Variants in CAMSAP2 observed in about 807,000 individuals in gnomAD.
CAMSAP2 encodes the protein calmodulin regulated spectrin associated protein family member 2.
A neutral mutation model predicts 146.1 loss-of-function variants in CAMSAP2; 26 were observed. That is an observed-to-expected ratio of 0.18 (90% CI 0.13 to 0.25). CAMSAP2 has a LOEUF of 0.25. CAMSAP2 is among the 10% of genes least tolerant of loss of function. The pLI is 1.00. For missense variants in CAMSAP2, 1,381 were observed against 1,759.3 expected, an observed-to-expected ratio of 0.78 and a Z score of 3.85; for synonymous variants, 499 against 596.6, an observed-to-expected ratio of 0.84 and a Z score of 2.38.
chr1:200,747,026 A>C (rs925867288), intron 1 of CAMSAP2, among the ~76,000 whole-genome samples: 9 of 152,076 alleles, frequency 5.9e-5, no homozygotes, highest in African/African-American at 2.2e-4. Context: ...CTCCTGCCTC[A>C]GCCTTTTGAG....
rs1039236564 is a variant in CAMSAP2, at chr1:200,853,090, CTTTA to C, written c.3603-180_3603-177del. On this transcript the variant is annotated intron_variant, in intron 12 of 16. Transcript: ENST00000358823. The surrounding 1 kb of genome is among the most constrained non-coding windows in gnomAD (Gnocchi z 5.1). The stretch of plus-strand genomic sequence containing the variant: ...TATTTATTTGACTCTTCCTTCCCTC[CTTTA>C]TTTACTTATTTATGCTTAATCCCAT... 2.6e-5 allele frequency among the ~76,000 whole-genome samples: 4 copies of C among 151,904 alleles called. No homozygotes were observed. The highest frequency in any genetic ancestry group is 5.9e-5 in the Non-Finnish European group (4 of 67,982).
chr1:200,825,943 A>G (rs530849435), intron 4 of CAMSAP2, among the ~76,000 whole-genome samples: 1 of 152,296 alleles, frequency 6.6e-6, no homozygotes, highest in South Asian at 2.1e-4. Context: ...GAATACTGTT[A>G]TATGTGGCCT....
intron 2 of CAMSAP2, among the ~76,000 whole-genome samples, chr1:200,786,098 T>C (rs1484986507): frequency 6.6e-6 from 1 of 152,250 alleles, no homozygotes; most frequent in Non-Finnish European, 1.5e-5. Context: ...TTTTAATATC[T>C]ATAGAACCTG....
Position 200,832,553 on chromosome 1 carries a change from C to T in CAMSAP2, c.788-153C>T, listed in dbSNP as rs772532652. 1.3e-5 allele frequency among the ~76,000 whole-genome samples: 2 copies of T among 151,898 alleles called. No individual in the cohort carries two copies. Among genetic ancestry groups the T allele is most frequent in the Admixed American group, 6.6e-5 (1 of 15,238 alleles). On this transcript the variant is annotated intron_variant, in intron 5 of 16. Transcript: ENST00000358823. This position sits in a 1 kb window ranked among gnomAD's most constrained non-coding sequence, Gnocchi z 4.2. Reference sequence around the variant, plus strand: ...AGGTAGTTCAAAAAAAAATAGTGCTCGGTTTCTAAGTCTTAATGTATAATG... The same window carrying T: ...AGGTAGTTCAAAAAAAAATAGTGCTTGGTTTCTAAGTCTTAATGTATAATG...
chr1:200,767,717 C>G lies in CAMSAP2; in HGVS notation c.399+6619C>G, dbSNP rs115459327. Among the ~76,000 whole-genome samples the G allele has an allele frequency of 1.9e-3, 296 of 152,238 alleles. 1 individual carries two copies. The highest frequency in any genetic ancestry group is 6.9e-3 in the African/African-American group (288 of 41,534). The stretch of plus-strand genomic sequence containing the variant: ...TGGCTTGCAAATTTATAAGCCAAAC[C>G]TGTCTTTGAAAAATTAATTACATTC... On this transcript the variant is annotated intron_variant, in intron 2 of 16. Transcript: ENST00000358823.
chr1:200,823,081 G>T (rs921780444), intron 4 of CAMSAP2, among the ~76,000 whole-genome samples: 1 of 151,892 alleles, frequency 6.6e-6, no homozygotes, highest in Non-Finnish European at 1.5e-5. Context: ...AGCATTCATT[G>T]AATATACCTA....
Position 200,849,470 on chromosome 1 carries a change from T to C in CAMSAP2, c.2701T>C (p.Leu901=), listed in dbSNP as rs768750159. 1.2e-6 allele frequency: 2 copies of C among 1,614,128 alleles called. No individual in the cohort carries two copies. The highest frequency in any genetic ancestry group is 2.7e-5 in the African/African-American group (2 of 74,938). The stretch of plus-strand genomic sequence containing the variant: ...TTTTCTACAACAAGAAATGCAACGC[T>C]TGTCACTTCAGCAGGAGATGTTAAT... ...LHFLQQEMQR[L]SLQQEMLMQM... is the part of the protein sequence containing the mutation. Residue 901 remains leucine, a synonymous_variant, in exon 11 of 17, where the codon TTG becomes CTG. Transcript: ENST00000358823. This position sits in a 1 kb window ranked among gnomAD's most constrained non-coding sequence, Gnocchi z 6.3.
In CAMSAP2 at chr1:200,739,018, A is replaced by G. The variant is rs1664065818; in HGVS notation, c.-810A>G. 6.6e-6 allele frequency among the ~76,000 whole-genome samples: 1 copy of G among 151,834 alleles called. No homozygotes were observed. Among genetic ancestry groups the G allele is most frequent in the Non-Finnish European group, 1.5e-5 (1 of 67,936 alleles). On this transcript the variant is annotated 5_prime_UTR_variant, in exon 1 of 17. Coordinates refer to ENST00000358823, the MANE Select transcript of CAMSAP2 (RefSeq NM_203459.4). The surrounding 1 kb of genome is among the most constrained non-coding windows in gnomAD (Gnocchi z 4.8). ...GGCAGGAAAAAATTACAAGGACATTACTGATAAGACAGGAACTGAGAGCTT... is the reference window on the plus strand; with the variant it reads ...GGCAGGAAAAAATTACAAGGACATTGCTGATAAGACAGGAACTGAGAGCTT...
chr1:200,839,178 C>T (rs59768598), intron 6 of CAMSAP2, among the ~76,000 whole-genome samples: 15,897 of 152,196 alleles, frequency 0.1, 914 homozygotes, highest in Middle Eastern at 0.14. Context: ...ATATCAAATG[C>T]AGCTGAGAGG....
At chr1:200,798,813 A>G (rs1484988588) in intron 2 of CAMSAP2, among the ~76,000 whole-genome samples, 3 of 148,170 alleles carry the variant, frequency 2.0e-5, no homozygotes, top group Non-Finnish European at 3.0e-5. Context: ...TTTGTCATAG[A>G]TAGCTCTTAT....
At chr1:200,788,947 C>T (rs79249492) in intron 2 of CAMSAP2, among the ~76,000 whole-genome samples, 307 of 152,140 alleles carry the variant, frequency 2.0e-3, no homozygotes, top group African/African-American at 6.7e-3. Flanking sequence ...CTACTGTGCC[C>T]GGCCAGAACA....
chr1:200,799,027 C>T (rs1294768424), intron 2 of CAMSAP2, among the ~76,000 whole-genome samples: 7 of 152,110 alleles, frequency 4.6e-5, no homozygotes, highest in African/African-American at 1.7e-4. Flanking sequence ...CTGACTTGAT[C>T]GTGGTGGATA....
At chr1:200,769,152 G>T (rs1665042962) in intron 2 of CAMSAP2, among the ~76,000 whole-genome samples, 1 of 152,078 alleles carries the variant, frequency 6.6e-6, no homozygotes, top group African/African-American at 2.4e-5. Context: ...GAGAGCCTCG[G>T]GGTCTAGATG....
At position 200,789,644 on chromosome 1, in the gene CAMSAP2, T is replaced by A. The variant is rs1665693600; in HGVS notation, c.400-17732T>A. ...CTTCAATATTATTTGCTATTCTAGG[T>A]CTTTTGCCTCTCCATGTAAACTTTA... On this transcript the variant is annotated intron_variant, in intron 2 of 16. Transcript: ENST00000358823. 2.0e-5 allele frequency among the ~76,000 whole-genome samples: 3 copies of A among 152,200 alleles called. No homozygotes were observed. The South Asian group carries it at 6.2e-4, about 31-fold the overall frequency.
intron 1 of CAMSAP2, among the ~76,000 whole-genome samples, chr1:200,741,535 C>A: frequency 6.6e-6 from 1 of 152,170 alleles, no homozygotes; most frequent in Non-Finnish European, 1.5e-5. Flanking sequence ...TACATAGTCA[C>A]CTATGTGGAA....
At chr1:200,781,620 T>A (rs1214791184) in intron 2 of CAMSAP2, among the ~76,000 whole-genome samples, 1 of 152,022 alleles carries the variant, frequency 6.6e-6, no homozygotes, top group Non-Finnish European at 1.5e-5. Flanking sequence ...CGGCTCACTG[T>A]ATCCTCAACC....
At chr1:200,844,223 CT>C (rs1321395094) in intron 7 of CAMSAP2, among the ~76,000 whole-genome samples, 1 of 151,954 alleles carries the variant, frequency 6.6e-6, no homozygotes, top group Admixed American at 6.6e-5. Flanking sequence ...CTTTTTCCCC[CT>C]AATTATCCTT....
intron 1 of CAMSAP2, among the ~76,000 whole-genome samples, chr1:200,759,280 A>ATTT (rs374473632): frequency 0.31 from 39,788 of 128,596 alleles, 6,417 homozygotes; most frequent in Middle Eastern, 0.4. Context: ...CTGCTATTCT[A>ATTT]TTTTTTTTTT....
Position 200,859,819 on chromosome 1 carries a change from TAC to T in CAMSAP2, c.*1763_*1764del, listed in dbSNP as rs1667836136. 1 of 152,260 alleles carries T rather than the reference TAC, an allele frequency of 6.6e-6. No individual in the cohort carries two copies. The highest frequency in any genetic ancestry group is 1.5e-5 in the Non-Finnish European group (1 of 67,950). 9.4% of individuals were successfully genotyped at this position (152,260 alleles called of 1,614,324 possible). ...CAGTTAGAAGGAAATGATAGTCAAA[TAC>T]ACGTTTAGATTAAAACTAGTTTAAA... On this transcript the variant is annotated 3_prime_UTR_variant, in exon 17 of 17. Coordinates refer to ENST00000358823, the MANE Select transcript of CAMSAP2 (RefSeq NM_203459.4).
Sources: gnomAD v4.1 joint callset for allele counts (sites outside exome capture counted in the v4.1 genomes callset) on GRCh38, gnomAD v4.1.1 for gene constraint, Gnocchi (gnomAD v3.1) non-coding constraint, MANE v1.5 for transcripts, NCBI Gene and HGNC (gene_info 2026-07-23, HGNC 2026-07-21) for gene names.